The following LRRN2 variants were observed in gnomAD, a reference collection of about 807,000 sequenced individuals.
LRRN2 encodes leucine-rich repeat neuronal protein 2.
Under a neutral mutation model 35.7 loss-of-function variants are expected in LRRN2, and 10 were observed. That is an observed-to-expected ratio of 0.28 (90% CI 0.17 to 0.47). The LOEUF is 0.47. Ranked by LOEUF, LRRN2 falls within the 20% of genes least tolerant of loss-of-function variation. The pLI is 0.99. For synonymous variants in LRRN2, 391 were observed against 409.6 expected, an observed-to-expected ratio of 0.95 and a Z score of 0.55; for missense variants, 731 against 940.3, an observed-to-expected ratio of 0.78 and a Z score of 2.91.
intron 1 of LRRN2, chr1:204,627,304 C>G (rs1411045704): frequency 6.6e-6 from 1 of 152,252 alleles, no homozygotes; most frequent in Admixed American, 6.5e-5. Flanking sequence ...TTCCATGATT[C>G]CGGTGCCAGC....
intron 1 of LRRN2, among the ~76,000 whole-genome samples, chr1:204,660,558 C>G (rs983473228): frequency 8.3e-5 from 11 of 132,200 alleles, no homozygotes; most frequent in African/African-American, 3.1e-4. Context: ...CACAGACACA[C>G]ACACACACAC....
chr1:204,661,697 A>G (rs1249290075), intron 1 of LRRN2, among the ~76,000 whole-genome samples: 1 of 152,200 alleles, frequency 6.6e-6, no homozygotes, highest in Non-Finnish European at 1.5e-5. Flanking sequence ...CATGAGGGGC[A>G]GCTGGGTGGC....
intron 1 of LRRN2, among the ~76,000 whole-genome samples, chr1:204,643,946 C>T (rs1668041192): frequency 6.6e-6 from 1 of 152,072 alleles, no homozygotes; most frequent in East Asian, 1.9e-4. Context: ...TGTCAACTTC[C>T]ATATTGTAAA....
chr1:204,672,733 C>T (rs554846768), intron 1 of LRRN2, among the ~76,000 whole-genome samples: 1 of 152,222 alleles, frequency 6.6e-6, no homozygotes, highest in South Asian at 2.1e-4. Context: ...CTGTGATCTG[C>T]TCAGATGCCC....
chr1:204,677,042 A>G (rs1165265010), intron 1 of LRRN2, among the ~76,000 whole-genome samples: 2 of 152,228 alleles, frequency 1.3e-5, no homozygotes, highest in Non-Finnish European at 2.9e-5. Context: ...GCACCTCATA[A>G]GCACTCAATA....
At chr1:204,650,062 C>T (rs1334553490) in intron 1 of LRRN2, among the ~76,000 whole-genome samples, 3 of 152,222 alleles carry the variant, frequency 2.0e-5, no homozygotes, top group Non-Finnish European at 4.4e-5. Flanking sequence ...CTCCCTCTGT[C>T]CTGCCAGCAC....
chr1:204,657,958 T>C (rs911759619), intron 1 of LRRN2, among the ~76,000 whole-genome samples: 5 of 151,004 alleles, frequency 3.3e-5, no homozygotes, highest in African/African-American at 9.7e-5. Flanking sequence ...TAGTAAGCCT[T>C]AGCCAATGGT....
At position 204,618,309 on chromosome 1, in the gene LRRN2, A is replaced by C; in HGVS notation, c.1684T>G (p.Ser562Ala). ...GTGGCCCCCTGGCCCCGGAGGGAGGAGGCACTGGACCAGGTGAGGTTGGTG... is the reference window on the plus strand; with the variant it reads ...GTGGCCCCCTGGCCCCGGAGGGAGGCGGCACTGGACCAGGTGAGGTTGGTG... ...VSTNLTWSSA[S>A]SLRGQGATAL... is the part of the protein sequence containing the mutation. The change falls in exon 2 of 2, where the codon TCC becomes GCC. Residue 562 changes from serine to alanine, a missense_variant. By Grantham distance (99) the Ser-to-Ala change is moderately conservative (BLOSUM62 1). Coordinates refer to ENST00000367177, the MANE Select transcript of LRRN2 (RefSeq NM_201630.2). 1 of 1,596,038 alleles carries C rather than the reference A, an allele frequency of 6.3e-7. No homozygotes were observed. Among genetic ancestry groups the C allele is most frequent in the South Asian group, 1.1e-5 (1 of 87,286 alleles).
intron 1 of LRRN2, among the ~76,000 whole-genome samples, chr1:204,641,917 A>G (rs566414250): frequency 3.3e-5 from 5 of 152,354 alleles, no homozygotes; most frequent in East Asian, 1.9e-4. Flanking sequence ...CCACTCTCCA[A>G]TGCTGCAGGA....
At chr1:204,638,063 A>T (rs1478364696) in intron 1 of LRRN2, among the ~76,000 whole-genome samples, 3 of 152,040 alleles carry the variant, frequency 2.0e-5, no homozygotes, top group Non-Finnish European at 4.4e-5. Flanking sequence ...GCATTCACTG[A>T]GCGTAGGGGG....
In LRRN2 at chr1:204,618,353, G is replaced by T. The variant is rs778752230; in HGVS notation, c.1640C>A (p.Thr547Asn). ...HPYHILLSWV[T>N]PPNTVSTNLT... is the part of the protein sequence containing the mutation. The stretch of plus-strand genomic sequence containing the variant: ...GTTGGTGGACACTGTGTTGGGTGGG[G>T]TGACCCAAGATAGCAGGATGTGATA... The change falls in exon 2 of 2, where the codon ACC (threonine) becomes AAC (asparagine). Residue 547 changes from threonine to asparagine, a missense_variant. This residue lies in a region of LRRN2 where 229 missense variants were observed against 258.4 expected (regional missense o/e 0.89). Coordinates refer to ENST00000367177, the MANE Select transcript of LRRN2 (RefSeq NM_201630.2). 1.3e-5 allele frequency: 20 copies of T among 1,597,446 alleles called. No homozygotes were observed. Among genetic ancestry groups the T allele is most frequent in the Non-Finnish European group, 1.7e-5 (20 of 1,170,894 alleles).
At position 204,617,315 on chromosome 1, in the gene LRRN2, G is replaced by A. The variant is rs1354796184; in HGVS notation, c.*536C>T. 5 of 153,038 alleles carry A rather than the reference G, an allele frequency of 3.3e-5. No homozygotes were observed. Among genetic ancestry groups the A allele is most frequent in the Non-Finnish European group, 5.8e-5 (4 of 68,614 alleles). The allele number at this position is 153,038 out of a possible 1,614,324, so 9.5% of individuals were successfully genotyped here. On this transcript the variant is annotated 3_prime_UTR_variant, in exon 2 of 2. Coordinates refer to ENST00000367177, the MANE Select transcript of LRRN2 (RefSeq NM_201630.2). ...AAATTGCCTATAGAAAGTCAGCTTC[G>A]GAATGCCGAGCCCAGGCTGCTGAGA... is the stretch of plus-strand genomic sequence containing the variant.
chr1:204,646,161 G>T (rs1052965187), intron 1 of LRRN2, among the ~76,000 whole-genome samples: 1 of 152,062 alleles, frequency 6.6e-6, no homozygotes, highest in African/African-American at 2.4e-5. Context: ...GATGGGGAGG[G>T]GGGACTCCAG....
At chr1:204,636,004 C>T (rs1236132676) in intron 1 of LRRN2, among the ~76,000 whole-genome samples, 1 of 152,232 alleles carries the variant, frequency 6.6e-6, no homozygotes, top group Non-Finnish European at 1.5e-5. Context: ...TTTACCTCCA[C>T]CATCACTATG....
chr1:204,652,266 C>G (rs1328425661), intron 1 of LRRN2, among the ~76,000 whole-genome samples: 3 of 88,084 alleles, frequency 3.4e-5, no homozygotes, highest in African/African-American at 1.3e-4. Flanking sequence ...CACCGCCCCC[C>G]CCCCGCCCCC....
chr1:204,667,275 A>G (rs2102622659), intron 1 of LRRN2, among the ~76,000 whole-genome samples: 2 of 152,306 alleles, frequency 1.3e-5, no homozygotes, highest in South Asian at 4.1e-4. Flanking sequence ...ACATTACAGT[A>G]TAATTAGGCA....
At position 204,644,514 on chromosome 1, in the gene LRRN2, CTT is replaced by C. The variant is rs1296169830; in HGVS notation, c.-226-24298_-226-24297del. Among the ~76,000 whole-genome samples the C allele has an allele frequency of 2.0e-5, 3 of 152,182 alleles. No individual in the cohort carries two copies. In the East Asian group the frequency reaches 5.8e-4, roughly 29 times the overall value. ...GCTGTTCTCTTTTGTGATTTCAGGT[CTT>C]TGAACCTGTTGTTCTGGAATGTCTT... On this transcript the variant is annotated intron_variant, in intron 1 of 1. Transcript: ENST00000367177.
intron 1 of LRRN2, chr1:204,628,897 G>A (rs1286731482): frequency 3.3e-5 from 5 of 152,334 alleles, no homozygotes; most frequent in Admixed American, 6.5e-5. Context: ...AGGGTCAAGA[G>A]CGCCCCTCCC....
chr1:204,619,562 T>C lies in LRRN2; in HGVS notation c.431A>G (p.Gln144Arg), dbSNP rs1281386097. 1 of 1,614,060 alleles carries C rather than the reference T, an allele frequency of 6.2e-7. No homozygotes were observed. Among genetic ancestry groups the C allele is most frequent in the Non-Finnish European group, 8.5e-7 (1 of 1,180,040 alleles). The stretch of plus-strand genomic sequence containing the variant: ...CTGGTTGTGGTTGAGATAGAGTTCC[T>C]GTAGGCTGGCCAGCCCTGCAAAGCT... ...DHSFAGLASL[Q>R]ELYLNHNQLY... The change falls in exon 2 of 2, where the codon CAG (glutamine) becomes CGG (arginine). Residue 144 changes from glutamine (Q) to arginine (R), a missense_variant. Physicochemically the swap from Gln to Arg is conservative, Grantham distance 43. This residue lies in a region of LRRN2 where 246 missense variants were observed against 289.5 expected (regional missense o/e 0.85). Transcript: ENST00000367177.
Sources: allele counts gnomAD v4.1 joint callset (sites outside exome capture counted in the v4.1 genomes callset), GRCh38; gene constraint gnomAD v4.1.1; regional missense constraint gnomAD v4.1.1; transcripts MANE v1.5; gene names NCBI Gene and HGNC (gene_info 2026-07-23, HGNC 2026-07-21).